Variants in EDNRB observed in about 807,000 individuals in gnomAD.
EDNRB encodes Hirschsprung disease 2.
Under a neutral mutation model 46.4 loss-of-function variants are expected in EDNRB, and 18 were observed. The observed-to-expected ratio is 0.39, with a 90% CI of 0.27 to 0.57. The LOEUF (loss-of-function observed/expected upper bound fraction) is 0.57. Among genes scored for constraint, EDNRB ranks in the 20% least tolerant of loss-of-function variants. EDNRB has a pLI of 0.61. For synonymous variants in EDNRB, 213 were observed against 204.9 expected, an observed-to-expected ratio of 1.04 and a Z score of -0.34; for missense variants, 434 against 537.5, an observed-to-expected ratio of 0.81 and a Z score of 1.90.
intron 1 of EDNRB, among the ~76,000 whole-genome samples, chr13:77,915,159 A>G (rs1005000228): frequency 6.6e-6 from 1 of 152,212 alleles, no homozygotes; most frequent in African/African-American, 2.4e-5. Flanking sequence ...AATGCATTAA[A>G]AAAACTACGT....
chr13:77,951,269 T>C (rs1310124931), intron 1 of EDNRB, among the ~76,000 whole-genome samples: 2 of 152,204 alleles, frequency 1.3e-5, no homozygotes, highest in Non-Finnish European at 2.9e-5. Flanking sequence ...GTTGTCGTTT[T>C]GTTTTGTTTT....
chr13:77,944,540 G>A (rs1247755769), intron 1 of EDNRB, among the ~76,000 whole-genome samples: 1 of 151,976 alleles, frequency 6.6e-6, no homozygotes, highest in African/African-American at 2.4e-5. Context: ...TTTACTAGAG[G>A]AGATAAATAG....
chr13:77,905,743 A>G (rs1308891146), intron 1 of EDNRB, among the ~76,000 whole-genome samples: 1 of 152,006 alleles, frequency 6.6e-6, no homozygotes, highest in Non-Finnish European at 1.5e-5. Context: ...CCATGCGAAG[A>G]GCATTCTAGG....
chr13:77,956,238 C>T (rs117021451), intron 1 of EDNRB, among the ~76,000 whole-genome samples: 2,238 of 152,136 alleles, frequency 0.015, 46 homozygotes, highest in East Asian at 0.024. Context: ...TATGTTCACC[C>T]TCTTGGTTAG....
intron 1 of EDNRB, among the ~76,000 whole-genome samples, chr13:77,928,539 A>G (rs1288575225): frequency 1.3e-5 from 2 of 152,218 alleles, no homozygotes; most frequent in African/African-American, 4.8e-5. Flanking sequence ...GAAAATGTTT[A>G]CCACTGGAGG....
intron 1 of EDNRB, among the ~76,000 whole-genome samples, chr13:77,932,062 A>G (rs1453981116): frequency 1.1e-4 from 17 of 151,828 alleles, no homozygotes; most frequent in Admixed American, 1.1e-3. Flanking sequence ...AAAAAAAAAA[A>G]AGTGAAGAAA....
At chr13:77,927,025 T>C (rs1411447195) in intron 1 of EDNRB, among the ~76,000 whole-genome samples, 1 of 152,212 alleles carries the variant, frequency 6.6e-6, no homozygotes, top group Non-Finnish European at 1.5e-5. Flanking sequence ...TTCAAATTAT[T>C]TCCCGCCAGG....
chr13:77,910,107 G>T (rs759333812), intron 1 of EDNRB, among the ~76,000 whole-genome samples: 6 of 152,004 alleles, frequency 3.9e-5, no homozygotes, highest in Non-Finnish European at 7.4e-5. Flanking sequence ...CAGCTGTGGA[G>T]AGGATTGTTA....
chr13:77,957,269 T>C (rs749680000), intron 1 of EDNRB, among the ~76,000 whole-genome samples: 6 of 152,202 alleles, frequency 3.9e-5, no homozygotes, highest in Admixed American at 1.3e-4. Flanking sequence ...AAAAAGTTAA[T>C]GTATTTTGGA....
rs1432707926 is a variant in EDNRB at position 77,902,005 on chromosome 13, CT to C, written c.802-799del. 5.9e-5 allele frequency among the ~76,000 whole-genome samples: 9 copies of C among 151,878 alleles called. No homozygotes were observed. In the East Asian group the frequency reaches 1.7e-3, roughly 29 times the overall value. ...TTGCATTAATGTCTCTTAACTCATT[CT>C]GTTGGGAAGAGCCTTTTACACTCAG... On this transcript the variant is annotated intron_variant, in intron 3 of 6. Transcript: ENST00000646607.
At position 77,903,624 on chromosome 13, in the gene EDNRB, C is replaced by T. The variant is rs373735344; in HGVS notation, c.484-17G>A. ...TGCCAGCAGCTGCATTGAGAAGACA[C>T]GAAGCTCTGTTAGGGGGTTTCATAA... On this transcript the variant is annotated splice_polypyrimidine_tract_variant and intron_variant, in intron 1 of 6. Transcript: ENST00000646607. 42 of 1,609,414 alleles carry T rather than the reference C, an allele frequency of 2.6e-5. No homozygotes were observed. Among genetic ancestry groups the T allele is most frequent in the African/African-American group, 1.1e-4 (8 of 74,706 alleles).
At chr13:77,937,822 G>C (rs1880613247) in intron 1 of EDNRB, among the ~76,000 whole-genome samples, 1 of 152,120 alleles carries the variant, frequency 6.6e-6, no homozygotes, top group South Asian at 2.1e-4. Context: ...GACGCTTGAG[G>C]TTGGGACTGA....
intron 2 of EDNRB, 66 bp from the exon 3 acceptor site, chr13:77,903,426 A>C: frequency 6.2e-7 from 1 of 1,610,132 alleles, no homozygotes; most frequent in South Asian, 1.1e-5. Context: ...TGCACAGTTT[A>C]TTTTCTAAGT....
At chr13:77,953,645 C>T (rs1387391613) in intron 1 of EDNRB, among the ~76,000 whole-genome samples, 4 of 152,014 alleles carry the variant, frequency 2.6e-5, no homozygotes, top group Non-Finnish European at 5.9e-5. Flanking sequence ...ATACAGAATA[C>T]CCTTGAATAG....
At position 77,963,699 on chromosome 13, in the gene EDNRB, C is replaced by T. The variant is rs570112331; in HGVS notation, c.-52+11648G>A. Among the ~76,000 whole-genome samples the T allele has an allele frequency of 3.0e-4, 46 of 152,258 alleles. No homozygotes were observed. In the Middle Eastern group the frequency reaches 0.01, roughly 34 times the overall value. On this transcript the variant is annotated intron_variant, in intron 1 of 7. Coordinates refer to the EDNRB transcript ENST00000646948. The stretch of plus-strand genomic sequence containing the variant: ...AAATCCTAGGCAATACCATTCAGGA[C>T]GGAGGCATGGGCAAGGATTTCATGT...
intron 1 of EDNRB, among the ~76,000 whole-genome samples, chr13:77,916,071 A>G (rs1010161083): frequency 6.6e-6 from 1 of 152,222 alleles, no homozygotes; most frequent in East Asian, 1.9e-4. Flanking sequence ...AACTAAAAAA[A>G]TGTTCTCAAT....
intron 1 of EDNRB, among the ~76,000 whole-genome samples, chr13:77,915,460 C>T (rs755908312): frequency 1.3e-5 from 2 of 152,310 alleles, no homozygotes; most frequent in South Asian, 2.1e-4. Flanking sequence ...ATGCTTTGTG[C>T]AGTGGGATGG....
chr13:77,949,398 C>T (rs2137672845), intron 1 of EDNRB, among the ~76,000 whole-genome samples: 1 of 152,244 alleles, frequency 6.6e-6, no homozygotes, highest in Admixed American at 6.5e-5. Flanking sequence ...GTTGTCTGGC[C>T]AAGACTTCGC....
intron 1 of EDNRB, among the ~76,000 whole-genome samples, chr13:77,916,945 T>C (rs747030968): frequency 9.2e-5 from 14 of 151,696 alleles, no homozygotes; most frequent in Non-Finnish European, 1.9e-4. Context: ...AAAGCCTCAG[T>C]AAGTGGGCAC....
Sources: allele counts gnomAD v4.1 joint callset (sites outside exome capture counted in the v4.1 genomes callset), GRCh38; gene constraint gnomAD v4.1.1; transcripts MANE v1.5; gene names NCBI Gene and HGNC (gene_info 2026-07-23, HGNC 2026-07-21).